Variants in MZT2B observed in about 807,000 individuals in gnomAD.
MZT2B encodes mitotic spindle organizing protein 2B.
MZT2B carries 11 observed loss-of-function variants against 12.1 expected under a neutral mutation model. The ratio of observed to expected loss-of-function variants is 0.91; its 90% CI spans 0.57 to 1.50. The LOEUF (loss-of-function observed/expected upper bound fraction) is 1.50, where lower values mean the gene tolerates loss of function less well. Among genes scored for constraint, MZT2B ranks in the 40% most tolerant of loss-of-function variants. The pLI is 0.00. For missense variants in MZT2B, 209 were observed against 227.7 expected (o/e 0.92, Z 0.53); for synonymous variants, 85 against 109.5 (o/e 0.78, Z 1.40).
At chr2:130,198,547 G>A in the MZT2B span, 36 of 679,538 alleles carry the variant, frequency 5.3e-5, 10 homozygotes, top group South Asian at 2.7e-4. Flanking sequence ...CTGATTGGCC[G>A]TTGCTCAACA....
chr2:130,194,655 T>C (rs1214854187), downstream of MZT2B, among the ~76,000 whole-genome samples: 3 of 152,220 alleles, frequency 2.0e-5, no homozygotes, highest in African/African-American at 7.2e-5. Flanking sequence ...GCAGACTCAG[T>C]AGGACTCAAG....
chr2:130,201,697 G>A, the MZT2B span, among the ~76,000 whole-genome samples: 6,609 of 152,188 alleles, frequency 0.043, 461 homozygotes, highest in African/African-American at 0.15. Flanking sequence ...GTCCAGCCAC[G>A]CATCCTTCAG....
chr2:130,195,418 G>A (rs1400635268), downstream of MZT2B, among the ~76,000 whole-genome samples: 1 of 152,228 alleles, frequency 6.6e-6, no homozygotes, highest in Non-Finnish European at 1.5e-5. Flanking sequence ...TGCAATTTAT[G>A]ACTCTACGAC....
the MZT2B span, chr2:130,198,497 C>T: frequency 1.8e-6 from 2 of 1,109,108 alleles, no homozygotes; most frequent in Non-Finnish European, 2.5e-6. Context: ...GCCATTGGCT[C>T]GGAGTTCCTG....
the MZT2B span, among the ~76,000 whole-genome samples, chr2:130,203,640 TCTCA>T: frequency 6.6e-6 from 1 of 151,678 alleles, no homozygotes. Context: ...AGAGATGAGG[TCTCA>T]CTATTTTGCC....
At chr2:130,196,242 C>T in the MZT2B span, 35 of 1,613,882 alleles carry the variant, frequency 2.2e-5, no homozygotes, top group African/African-American at 1.2e-4. Flanking sequence ...GAGTCGTCCC[C>T]GCCACCAATG....
intron 2 of MZT2B, among the ~76,000 whole-genome samples, chr2:130,187,815 TAGTATC>T (rs1690116233): frequency 6.6e-6 from 1 of 152,100 alleles, no homozygotes; most frequent in Non-Finnish European, 1.5e-5. Context: ...AGGATTTTCT[TAGTATC>T]AGTTATGGCT....
the MZT2B span, among the ~76,000 whole-genome samples, chr2:130,197,633 C>A: frequency 2.4e-5 from 3 of 127,546 alleles, no homozygotes; most frequent in African/African-American, 8.1e-5. Context: ...TTTTTTGAGG[C>A]AGGGTCTCTG....
intron 2 of MZT2B, among the ~76,000 whole-genome samples, chr2:130,189,967 A>C (rs567869491): frequency 8.5e-4 from 129 of 152,276 alleles, no homozygotes; most frequent in African/African-American, 2.9e-3. Context: ...TCCAAAATCA[A>C]AATCAGAAAC....
the MZT2B span, chr2:130,196,128 A>T: frequency 8.8e-6 from 14 of 1,599,294 alleles, no homozygotes; most frequent in South Asian, 1.3e-4. Flanking sequence ...GAAAGCTGCC[A>T]TCCAGTGCCC....
At chr2:130,187,786 A>G (rs901157791) in intron 2 of MZT2B, among the ~76,000 whole-genome samples, 18 of 152,212 alleles carry the variant, frequency 1.2e-4, no homozygotes, top group East Asian at 1.9e-4. Context: ...CTGAGAGCGC[A>G]CAATTCCTGA....
chr2:130,201,428 G>A, the MZT2B span, among the ~76,000 whole-genome samples: 19 of 152,316 alleles, frequency 1.2e-4, 1 homozygote, highest in African/African-American at 4.6e-4. Flanking sequence ...TCCTCCCACG[G>A]GGAGGTAGCA....
At chr2:130,191,207 A>G (rs1235110680), downstream of MZT2B, among the ~76,000 whole-genome samples, 1 of 152,144 alleles carries the variant, frequency 6.6e-6, no homozygotes, top group Non-Finnish European at 1.5e-5. Flanking sequence ...CTACCAAGGC[A>G]GTTGACAGTG....
At chr2:130,198,444 T>C in the MZT2B span, 1 of 1,333,388 alleles carries the variant, frequency 7.5e-7, no homozygotes, top group South Asian at 1.4e-5. Flanking sequence ...TGCAATGACC[T>C]GCCCACGCGC....
chr2:130,204,025 G>C, the MZT2B span: 4 of 338,578 alleles, frequency 1.2e-5, no homozygotes, highest in Non-Finnish European at 2.3e-5. Flanking sequence ...CTTTTTCCAA[G>C]CAGGGGATTT....
downstream of MZT2B, chr2:130,191,765 T>C: frequency 6.4e-7 from 1 of 1,562,816 alleles, no homozygotes; most frequent in South Asian, 1.2e-5. Flanking sequence ...ACAGAATCTT[T>C]AATTGCAAAC....
chr2:130,189,966 A>C (rs1007727854), intron 2 of MZT2B, among the ~76,000 whole-genome samples: 2 of 152,206 alleles, frequency 1.3e-5, no homozygotes, highest in African/African-American at 4.8e-5. Context: ...TTCCAAAATC[A>C]AAATCAGAAA....
chr2:130,191,958 A>G (rs1180331437), downstream of MZT2B: 3 of 1,613,804 alleles, frequency 1.9e-6, no homozygotes, highest in Admixed American at 1.7e-5. Context: ...GCCTTCGCCC[A>G]CGTACCAGTG....
chr2:130,202,787 A>G, the MZT2B span, among the ~76,000 whole-genome samples: 2 of 152,228 alleles, frequency 1.3e-5, no homozygotes, highest in African/African-American at 4.8e-5. Flanking sequence ...AACGATGTCC[A>G]GAGGGCACTG....
Sources: gnomAD v4.1 joint callset for allele counts (sites outside exome capture counted in the v4.1 genomes callset) on GRCh38, gnomAD v4.1.1 for gene constraint, MANE v1.5 for transcripts, NCBI Gene and HGNC (gene_info 2026-07-23, HGNC 2026-07-21) for gene names.